Variants in NRG3 observed in about 807,000 individuals in gnomAD.
NRG3 encodes the protein neuregulin 3, also known as pro-neuregulin-3, membrane-bound isoform.
In NRG3, 31 loss-of-function variants were observed where a neutral mutation model predicts 66.9. The ratio of observed to expected loss-of-function variants is 0.46; its 90% confidence interval spans 0.35 to 0.63. The LOEUF is 0.63. Ranked by LOEUF, NRG3 falls within the 20% of genes least tolerant of loss-of-function variation. The pLI is 0.00. For missense variants in NRG3, 910 were observed against 878.9 expected, an observed-to-expected ratio of 1.04 and a Z score of -0.45; for synonymous variants, 393 against 359.4, an observed-to-expected ratio of 1.09 and a Z score of -1.06.
chr10:81,958,693 C>T (rs1323220168), intron 1 of NRG3, among the ~76,000 whole-genome samples: 1 of 152,084 alleles, frequency 6.6e-6, no homozygotes, highest in East Asian at 1.9e-4. Flanking sequence ...AGTTTGAGAC[C>T]AGCCTGGCCA....
chr10:82,901,393 G>C (rs577868457), intron 4 of NRG3, among the ~76,000 whole-genome samples: 2 of 152,170 alleles, frequency 1.3e-5, no homozygotes, highest in East Asian at 1.9e-4. Context: ...TCCAACCTTA[G>C]AGAGGTGGAA....
intron 1 of NRG3, among the ~76,000 whole-genome samples, chr10:82,236,447 G>A (rs542558837): frequency 6.6e-6 from 1 of 152,220 alleles, no homozygotes; most frequent in African/African-American, 2.4e-5. Context: ...CCTGCTCCCC[G>A]TGATTTCAGA....
chr10:82,884,166 A>G (rs1044936359), intron 4 of NRG3, among the ~76,000 whole-genome samples: 6 of 144,208 alleles, frequency 4.2e-5, no homozygotes, highest in South Asian at 2.1e-4. Flanking sequence ...CCTTGGGGGG[A>G]AAAAAAAGAT....
chr10:82,323,977 G>A (rs556608847), intron 1 of NRG3, among the ~76,000 whole-genome samples: 41 of 152,002 alleles, frequency 2.7e-4, no homozygotes, highest in Non-Finnish European at 4.9e-4. Context: ...CTATTCTCTC[G>A]CCTTAGCCTC....
chr10:82,526,847 A>G (rs1360540555), intron 2 of NRG3, among the ~76,000 whole-genome samples: 1 of 152,194 alleles, frequency 6.6e-6, no homozygotes, highest in Non-Finnish European at 1.5e-5. Context: ...CAAACAACTG[A>G]AAAACACAAA....
chr10:82,143,922 C>T (rs1166777648), intron 1 of NRG3, among the ~76,000 whole-genome samples: 1 of 151,324 alleles, frequency 6.6e-6, no homozygotes, highest in East Asian at 2.0e-4. Flanking sequence ...CCCAGTTACT[C>T]AAGAGTCTGA....
At chr10:82,630,867 C>T (rs1298510005) in intron 2 of NRG3, among the ~76,000 whole-genome samples, 1 of 152,056 alleles carries the variant, frequency 6.6e-6, no homozygotes, top group African/African-American at 2.4e-5. Flanking sequence ...GGTTTGCTTT[C>T]ATTGTTTTTA....
chr10:82,677,335 C>T (rs1043736007), intron 2 of NRG3, among the ~76,000 whole-genome samples: 1 of 152,252 alleles, frequency 6.6e-6, no homozygotes, highest in Middle Eastern at 3.4e-3. Context: ...GCCACTACAC[C>T]TGGCCCAAAA....
At chr10:82,752,709 C>T (rs1410412207) in intron 3 of NRG3, among the ~76,000 whole-genome samples, 1 of 152,006 alleles carries the variant, frequency 6.6e-6, no homozygotes, top group African/African-American at 2.4e-5. Flanking sequence ...GAGTGAAGTC[C>T]TCATGAATGG....
At chr10:82,231,970 C>T (rs2076496832) in intron 1 of NRG3, among the ~76,000 whole-genome samples, 1 of 152,190 alleles carries the variant, frequency 6.6e-6, no homozygotes, top group Non-Finnish European at 1.5e-5. Context: ...GCTACTCACA[C>T]TTAGTCTTCA....
At chr10:82,243,613 A>G (rs895051162) in intron 1 of NRG3, among the ~76,000 whole-genome samples, 4 of 152,322 alleles carry the variant, frequency 2.6e-5, no homozygotes, top group African/African-American at 9.6e-5. Flanking sequence ...AATTGCAGCA[A>G]TGTATTCATA....
At chr10:82,192,156 T>G (rs1052301966) in intron 1 of NRG3, among the ~76,000 whole-genome samples, 1 of 152,110 alleles carries the variant, frequency 6.6e-6, no homozygotes, top group African/African-American at 2.4e-5. Flanking sequence ...CTTCTGATTG[T>G]CAGTAACTCA....
At chr10:82,887,176 G>C (rs146776115) in intron 4 of NRG3, among the ~76,000 whole-genome samples, 2 of 152,272 alleles carry the variant, frequency 1.3e-5, no homozygotes, top group Non-Finnish European at 2.9e-5. Context: ...GCATTCATCT[G>C]TGTGTCCCTC....
chr10:82,430,189 A>G, intron 2 of NRG3, among the ~76,000 whole-genome samples: 1 of 152,002 alleles, frequency 6.6e-6, no homozygotes, highest in Admixed American at 6.6e-5. Context: ...CTCAGAAACA[A>G]TTTTAGTTGA....
chr10:82,460,358 A>T (rs1367914135), intron 2 of NRG3, among the ~76,000 whole-genome samples: 1 of 152,208 alleles, frequency 6.6e-6, no homozygotes, highest in Non-Finnish European at 1.5e-5. Context: ...ACTGATAGCT[A>T]CTTAAAAGTT....
At chr10:82,051,861 C>T (rs945003575) in intron 1 of NRG3, among the ~76,000 whole-genome samples, 3 of 151,894 alleles carry the variant, frequency 2.0e-5, no homozygotes, top group African/African-American at 7.3e-5. Flanking sequence ...TAAGGTCAAA[C>T]TGAGCTCAAG....
chr10:82,805,206 C>T (rs1475135696), intron 3 of NRG3, among the ~76,000 whole-genome samples: 2 of 152,166 alleles, frequency 1.3e-5, no homozygotes, highest in African/African-American at 4.8e-5. Flanking sequence ...TGGTTAGAGT[C>T]TTGGGTCCTT....
chr10:82,005,748 T>C (rs2061354488), intron 1 of NRG3, among the ~76,000 whole-genome samples: 1 of 152,104 alleles, frequency 6.6e-6, no homozygotes, highest in Admixed American at 6.6e-5. Flanking sequence ...ACACTTAGAG[T>C]TTGCAACACG....
chr10:82,761,774 G>A (rs2059311878), intron 3 of NRG3, among the ~76,000 whole-genome samples: 1 of 151,636 alleles, frequency 6.6e-6, no homozygotes, highest in East Asian at 1.9e-4. Flanking sequence ...TAAATGGAAT[G>A]CTTCTCAGTA....
Sources: allele counts gnomAD v4.1 joint callset (sites outside exome capture counted in the v4.1 genomes callset), GRCh38; gene constraint gnomAD v4.1.1; transcripts MANE v1.5; gene names NCBI Gene and HGNC (gene_info 2026-07-23, HGNC 2026-07-21).